The following ZNF609 variants were observed in gnomAD, a reference collection of about 807,000 sequenced individuals.
ZNF609 encodes zinc finger protein 609.
In ZNF609, 11 loss-of-function variants were observed where a neutral mutation model predicts 109.5. That is an observed-to-expected ratio of 0.10 (90% confidence interval 0.06 to 0.17). The LOEUF is 0.17. Ranked by LOEUF, ZNF609 falls within the 10% of genes least tolerant of loss-of-function variation. The pLI is 1.00. For missense variants in ZNF609, 1,559 were observed against 1,772.4 expected (o/e 0.88, Z 2.16); for synonymous variants, 646 against 662.0 (o/e 0.98, Z 0.37).
chr15:64,592,797 C>T (rs1895323638), intron 2 of ZNF609, among the ~76,000 whole-genome samples: 1 of 148,610 alleles, frequency 6.7e-6, no homozygotes, highest in African/African-American at 2.5e-5. Flanking sequence ...TCTGAAATAC[C>T]AGCTGCTTGG....
chr15:64,480,542 A>C (rs1025083074), intron 1 of ZNF609, among the ~76,000 whole-genome samples: 9 of 152,080 alleles, frequency 5.9e-5, no homozygotes, highest in East Asian at 1.9e-4. Context: ...AAAAAAAAAA[A>C]CAAAAAAAGT....
chr15:64,654,248 G>A (rs1048317754), intron 3 of ZNF609: 1 of 151,984 alleles, frequency 6.6e-6, no homozygotes, highest in Non-Finnish European at 1.5e-5. Context: ...TGTTGACCAG[G>A]CTAGTCTCAA....
At chr15:64,551,870 C>T (rs1245592973) in intron 2 of ZNF609, among the ~76,000 whole-genome samples, 5 of 148,870 alleles carry the variant, frequency 3.4e-5, no homozygotes, top group Non-Finnish European at 7.5e-5. Context: ...GCTTGTATTT[C>T]CAGCTACTCA....
chr15:64,493,758 G>T (rs966893070), intron 1 of ZNF609, among the ~76,000 whole-genome samples: 3 of 152,202 alleles, frequency 2.0e-5, no homozygotes, highest in Non-Finnish European at 4.4e-5. Flanking sequence ...GTAAGATATT[G>T]GTTCTCCTGA....
At chr15:64,564,357 G>C (rs1288632898) in intron 2 of ZNF609, among the ~76,000 whole-genome samples, 2 of 152,100 alleles carry the variant, frequency 1.3e-5, no homozygotes, top group Non-Finnish European at 2.9e-5. Flanking sequence ...GTTGTGGCCA[G>C]AGAAGCTGCT....
Position 64,674,593 on chromosome 15 carries a change from C to T in ZNF609, c.1739C>T (p.Ser580Leu), listed in dbSNP as rs1308761286. 6.2e-7 allele frequency: 1 copy of T among 1,614,100 alleles called. No homozygotes were observed. Among genetic ancestry groups the T allele is most frequent in the Non-Finnish European group, 8.5e-7 (1 of 1,180,012 alleles). ...GTAGAGCCCCATAGCCCTTCTCCTTCAAGCAAATTCAGCACAAAAGGCCTC... is the reference window on the plus strand; with the variant it reads ...GTAGAGCCCCATAGCCCTTCTCCTTTAAGCAAATTCAGCACAAAAGGCCTC... Reference protein sequence around the residue: ...RLVEPHSPSPSSKFSTKGLCK... With the variant: ...RLVEPHSPSPLSKFSTKGLCK... The change falls in exon 5 of 10, where the codon TCA (serine) becomes TTA (leucine). Residue 580 changes from serine to leucine, a missense_variant. Transcript: ENST00000326648.
chr15:64,616,224 G>C (rs1402787984), intron 2 of ZNF609, among the ~76,000 whole-genome samples: 1 of 151,836 alleles, frequency 6.6e-6, no homozygotes, highest in Non-Finnish European at 1.5e-5. Context: ...GAACTCCTCA[G>C]CTCAAGCAAT....
chr15:64,533,153 C>T (rs1201249370), intron 2 of ZNF609, among the ~76,000 whole-genome samples: 3 of 151,854 alleles, frequency 2.0e-5, no homozygotes, highest in African/African-American at 4.8e-5. Flanking sequence ...CACGTTTAAG[C>T]GATCTTCCTG....
In ZNF609 at chr15:64,514,060, CCAGCCTGGG is replaced by C. The variant is rs1463853361; in HGVS notation, c.747+13899_747+13907del. Among the ~76,000 whole-genome samples the C allele has an allele frequency of 1.6e-4, 24 of 151,028 alleles. 1 individual carries two copies. The Middle Eastern group carries it at 0.014, about 86-fold the overall frequency. ...TGAACCATGATCATGCCACTGCACT[CCAGCCTGGG>C]CAGCAGAGCAAGACCCTCAAAAAAA... On this transcript the variant is annotated intron_variant, in intron 2 of 9. Coordinates refer to ENST00000326648, the MANE Select transcript of ZNF609 (RefSeq NM_015042.2).
intron 3 of ZNF609, among the ~76,000 whole-genome samples, chr15:64,641,636 A>C (rs1046596934): frequency 1.3e-5 from 2 of 152,080 alleles, no homozygotes; most frequent in Non-Finnish European, 2.9e-5. Flanking sequence ...CATTTTCTTT[A>C]GCAGTAGTTT....
intron 2 of ZNF609, among the ~76,000 whole-genome samples, chr15:64,559,538 C>T (rs2140401878): frequency 6.6e-6 from 1 of 152,306 alleles, no homozygotes; most frequent in Middle Eastern, 3.4e-3. Context: ...ATTTATTTAT[C>T]ACCTTCTGTG....
chr15:64,645,158 T>C (rs1896317875), intron 3 of ZNF609, among the ~76,000 whole-genome samples: 1 of 133,178 alleles, frequency 7.5e-6, no homozygotes, highest in Non-Finnish European at 1.5e-5. Context: ...TGGTGCAGTC[T>C]TGGCTCACAG....
chr15:64,465,578 A>G (rs975087151), intron 1 of ZNF609, among the ~76,000 whole-genome samples: 3 of 151,820 alleles, frequency 2.0e-5, no homozygotes, highest in Admixed American at 6.6e-5. Context: ...ATGGGGTTTC[A>G]TTATGTTGGC....
intron 2 of ZNF609, among the ~76,000 whole-genome samples, chr15:64,615,394 T>A (rs1263827135): frequency 6.6e-6 from 1 of 151,912 alleles, no homozygotes; most frequent in Non-Finnish European, 1.5e-5. Context: ...CCTCTGTCCT[T>A]GGCCTCCCAA....
chr15:64,469,119 C>T (rs1205962347), intron 1 of ZNF609, among the ~76,000 whole-genome samples: 2 of 149,178 alleles, frequency 1.3e-5, no homozygotes, highest in East Asian at 2.0e-4. Context: ...CAAAATTAGC[C>T]GTGTGTGGTG....
At chr15:64,676,499 T>G (rs1179200628) in intron 5 of ZNF609, among the ~76,000 whole-genome samples, 2 of 152,084 alleles carry the variant, frequency 1.3e-5, no homozygotes, top group Non-Finnish European at 2.9e-5. Context: ...GGTGCAATCT[T>G]GGCTCACTAC....
At chr15:64,489,177 TTTTTTTTG>T (rs1233708952) in intron 1 of ZNF609, among the ~76,000 whole-genome samples, 2 of 151,848 alleles carry the variant, frequency 1.3e-5, no homozygotes, top group African/African-American at 2.4e-5. Context: ...TTTTGTGTTT[TTTTTTTTG>T]TTTTTTTGTT....
chr15:64,469,254 A>G lies in ZNF609; in HGVS notation c.-128+8416A>G, dbSNP rs116767869. ...CTCCAGCCTGGGCAACAAGAGATAA[A>G]TTCCATTTCAATAAATACGTAAATA... On this transcript the variant is annotated intron_variant, in intron 1 of 9. Transcript: ENST00000326648. Among the ~76,000 whole-genome samples, 1,207 of 151,422 alleles carry G rather than the reference A, an allele frequency of 8.0e-3. 16 individuals are homozygous for G. The highest frequency in any genetic ancestry group is 0.028 in the African/African-American group (1,156 of 41,268).
chr15:64,631,666 G>A (rs1896082077), intron 3 of ZNF609: 1 of 279,386 alleles, frequency 3.6e-6, no homozygotes, highest in South Asian at 4.2e-5. Flanking sequence ...CCGAGTATCT[G>A]GGATTATAGG....
Sources: gnomAD v4.1 joint callset for allele counts (sites outside exome capture counted in the v4.1 genomes callset) on GRCh38, gnomAD v4.1.1 for gene constraint, MANE v1.5 for transcripts, NCBI Gene and HGNC (gene_info 2026-07-23, HGNC 2026-07-21) for gene names.